The following ARHGAP35 variants were observed in gnomAD, a reference collection of about 807,000 sequenced individuals.
ARHGAP35 encodes the protein Rho GTPase activating protein 35.
A neutral mutation model predicts 111.1 loss-of-function variants in ARHGAP35; 15 were observed. That is an observed-to-expected ratio of 0.13 (90% confidence interval 0.09 to 0.21). ARHGAP35 has a LOEUF of 0.21. Among genes scored for constraint, ARHGAP35 ranks in the 10% least tolerant of loss-of-function variants. The probability of loss-of-function intolerance (pLI) is 1.00; values close to 1 mark genes in which losing one functional copy is unlikely to be tolerated. For synonymous variants in ARHGAP35, 643 were observed against 710.3 expected, an observed-to-expected ratio of 0.91 and a Z score of 1.51; for missense variants, 1,262 against 1,873.0, an observed-to-expected ratio of 0.67 and a Z score of 6.02.
chr19:46,899,020 C>G (rs2056071054), intron 1 of ARHGAP35, among the ~76,000 whole-genome samples: 1 of 152,234 alleles, frequency 6.6e-6, no homozygotes, highest in Non-Finnish European at 1.5e-5. Flanking sequence ...GAAAACCTAA[C>G]TGTGGAAGCC....
Position 46,986,819 on chromosome 19 carries a change from A to T in ARHGAP35, c.3827-1170A>T, listed in dbSNP as rs1398701169. 1.3e-5 allele frequency among the ~76,000 whole-genome samples: 2 copies of T among 152,154 alleles called. No individual in the cohort carries two copies. The highest frequency in any genetic ancestry group is 4.8e-5 in the African/African-American group (2 of 41,434). Reference sequence around the variant, plus strand: ...TGTCAAAAAAACATACTTGTGAGTTAATTTTATTTATTTATTTATTTATTT... The same window carrying T: ...TGTCAAAAAAACATACTTGTGAGTTTATTTTATTTATTTATTTATTTATTT... On this transcript the variant is annotated intron_variant, in intron 3 of 6. Coordinates refer to ENST00000672722, the MANE Select transcript of ARHGAP35 (RefSeq NM_004491.5). The surrounding 1 kb of genome is among the most constrained non-coding windows in gnomAD (Gnocchi z 4.3).
intron 1 of ARHGAP35, among the ~76,000 whole-genome samples, chr19:46,876,561 C>T (rs1378737863): frequency 1.3e-5 from 2 of 152,004 alleles, no homozygotes; most frequent in African/African-American, 2.4e-5. Context: ...TTAGTAGAGA[C>T]GGGGTTTCAC....
chr19:46,896,059 G>A (rs1036013543), intron 1 of ARHGAP35, among the ~76,000 whole-genome samples: 1 of 151,896 alleles, frequency 6.6e-6, no homozygotes, highest in Non-Finnish European at 1.5e-5. Context: ...CCAAGATCGC[G>A]CCACTGCACT....
rs1014418881 is a variant in ARHGAP35 at position 46,930,024 on chromosome 19, A to G, written c.3682-7240A>G. On this transcript the variant is annotated intron_variant, in intron 2 of 6. Coordinates refer to ENST00000672722, the MANE Select transcript of ARHGAP35 (RefSeq NM_004491.5). ...GCAGTCCTCCCATCTGGGCTTCCCAAAGTGTTGGGATTACAGGCATGAGTC... is the reference window on the plus strand; with the variant it reads ...GCAGTCCTCCCATCTGGGCTTCCCAGAGTGTTGGGATTACAGGCATGAGTC... Among the ~76,000 whole-genome samples the G allele has an allele frequency of 3.9e-5, 6 of 152,172 alleles. No individual in the cohort carries two copies. The East Asian group carries it at 9.7e-4, about 25-fold the overall frequency.
intron 2 of ARHGAP35, among the ~76,000 whole-genome samples, chr19:46,927,156 T>A (rs191947426): frequency 6.6e-6 from 1 of 152,344 alleles, no homozygotes; most frequent in East Asian, 1.9e-4. Flanking sequence ...AACGAGGTAC[T>A]TTTGTTTCCA....
chr19:46,999,209 G>C lies in ARHGAP35; in HGVS notation c.4037-95G>C. 1.3e-6 allele frequency: 1 copy of C among 793,050 alleles called. No individual in the cohort carries two copies. The highest frequency in any genetic ancestry group is 1.6e-5 in the South Asian group (1 of 62,406). The allele number at this position is 793,050 out of a possible 1,614,324, so 49.1% of individuals were successfully genotyped here. On this transcript the variant is annotated intron_variant, in intron 5 of 6. Coordinates refer to ENST00000672722, the MANE Select transcript of ARHGAP35 (RefSeq NM_004491.5). This position sits in a 1 kb window ranked among gnomAD's most constrained non-coding sequence, Gnocchi z 5.4. ...GGGTTAGTGTCATCCAAAAGCCCTG[G>C]GCTGTCCTCAGAGAAGGCCCATCAC...
Position 47,000,860 on chromosome 19 carries a change from C to T in ARHGAP35, c.*172C>T. The T allele has an allele frequency of 1.3e-6, 2 of 1,536,406 alleles. No individual in the cohort carries two copies. The highest frequency in any genetic ancestry group is 1.2e-5 in the South Asian group (1 of 83,228). ...GCCAATGGTACCATCGGCTGGGCTG[C>T]CAGGTACCCTGGGCCTGGCGCTGCA... On this transcript the variant is annotated 3_prime_UTR_variant, in exon 7 of 7. Coordinates refer to ENST00000672722, the MANE Select transcript of ARHGAP35 (RefSeq NM_004491.5). This position sits in a 1 kb window ranked among gnomAD's most constrained non-coding sequence, Gnocchi z 6.9.
intron 3 of ARHGAP35, among the ~76,000 whole-genome samples, chr19:46,982,128 G>A (rs1263374638): frequency 2.6e-5 from 4 of 151,880 alleles, no homozygotes; most frequent in African/African-American, 4.8e-5. Flanking sequence ...GATTATAGGC[G>A]GGAACCATCA....
intron 1 of ARHGAP35, among the ~76,000 whole-genome samples, chr19:46,896,344 C>T (rs1462116821): frequency 2.0e-5 from 3 of 152,240 alleles, no homozygotes; most frequent in Non-Finnish European, 2.9e-5. Flanking sequence ...TGCGCCACTG[C>T]ACCTGCACTC....
At chr19:46,954,775 A>G (rs768385544) in intron 3 of ARHGAP35, among the ~76,000 whole-genome samples, 8 of 152,252 alleles carry the variant, frequency 5.3e-5, no homozygotes, top group Non-Finnish European at 8.8e-5. Context: ...TTGAAACAAG[A>G]CCTTTCTAGT....
At chr19:46,957,754 C>T (rs2056449022) in intron 3 of ARHGAP35, among the ~76,000 whole-genome samples, 1 of 152,188 alleles carries the variant, frequency 6.6e-6, no homozygotes, top group African/African-American at 2.4e-5. Context: ...CAGAACACAC[C>T]TGACTGTTAG....
chr19:46,910,150 TCACCCAGG>T (rs1482109000), intron 1 of ARHGAP35, among the ~76,000 whole-genome samples: 1 of 152,142 alleles, frequency 6.6e-6, no homozygotes, highest in Non-Finnish European at 1.5e-5. Context: ...TATCTAACTG[TCACCCAGG>T]CTACAGTGCA....
rs138605596 is a variant in ARHGAP35, at chr19:46,891,638, G to A, written c.-188-26850G>A. Among the ~76,000 whole-genome samples the A allele has an allele frequency of 3.7e-3, 567 of 152,062 alleles. 14 individuals carry two copies. Among genetic ancestry groups the A allele is most frequent in the East Asian group, 0.035 (182 of 5,136 alleles). ...GACGGAGTTTCACCATGTTGGCCAG[G>A]ATGGTCTCAATCTCTTGACATCGTG... On this transcript the variant is annotated intron_variant, in intron 1 of 6. Transcript: ENST00000672722.
At chr19:46,938,542 G>A (rs548111653) in intron 3 of ARHGAP35, among the ~76,000 whole-genome samples, 141 of 151,900 alleles carry the variant, frequency 9.3e-4, no homozygotes, top group African/African-American at 3.3e-3. Flanking sequence ...TAGTAGAGAC[G>A]GGTTTTTGCC....
At position 46,918,628 on chromosome 19, in the gene ARHGAP35, C is replaced by A; in HGVS notation, c.-48C>A. Reference sequence around the variant, plus strand: ...AGGAAGCTGTCTGGTCCATTGGAAACACTAATCTGATCTCAGAAGTGGCTG... The same window carrying A: ...AGGAAGCTGTCTGGTCCATTGGAAAAACTAATCTGATCTCAGAAGTGGCTG... On this transcript the variant is annotated 5_prime_UTR_variant, in exon 2 of 7. Transcript: ENST00000672722. The surrounding 1 kb of genome is among the most constrained non-coding windows in gnomAD (Gnocchi z 5.4). 1 of 1,566,282 alleles carries A rather than the reference C, an allele frequency of 6.4e-7. No homozygotes were observed. The highest frequency in any genetic ancestry group is 8.7e-7 in the Non-Finnish European group (1 of 1,149,666).
At chr19:46,938,222 G>A (rs1307143165) in intron 3 of ARHGAP35, among the ~76,000 whole-genome samples, 2 of 152,188 alleles carry the variant, frequency 1.3e-5, no homozygotes, top group African/African-American at 2.4e-5. Flanking sequence ...ATTAAGTATT[G>A]TGTGGTGTGG....
Position 46,989,512 on chromosome 19 carries a change from G to T in ARHGAP35, c.3905-32G>T, listed in dbSNP as rs757859477. On this transcript the variant is annotated intron_variant, in intron 4 of 6. Coordinates refer to ENST00000672722, the MANE Select transcript of ARHGAP35 (RefSeq NM_004491.5). The surrounding 1 kb of genome is among the most constrained non-coding windows in gnomAD (Gnocchi z 5.3). ...CTGATGCTTCTGCCTGGCTTAGAAT[G>T]GTTTGGCCTCACTCTCCTGACTTCC... 112 of 1,612,686 alleles carry T rather than the reference G, an allele frequency of 6.9e-5. No homozygotes were observed. The highest frequency in any genetic ancestry group is 9.0e-5 in the Non-Finnish European group (106 of 1,179,270).
intron 1 of ARHGAP35, among the ~76,000 whole-genome samples, chr19:46,898,775 A>AGCTGCTGCTGCTGCTGCTGCTGCTGCT (rs112008743): frequency 1.3e-5 from 2 of 150,800 alleles, no homozygotes; most frequent in Admixed American, 6.6e-5. Flanking sequence ...TGCACAGATG[A>AGCTGCTGCTGCTGCTGCTGCTGCTGCT]GCTGCTGCTG....
chr19:46,882,094 C>T (rs1302472676), intron 1 of ARHGAP35, among the ~76,000 whole-genome samples: 1 of 151,578 alleles, frequency 6.6e-6, no homozygotes, highest in Non-Finnish European at 1.5e-5. Context: ...AATATTGTGG[C>T]TGGTTTGATC....
Sources: gnomAD v4.1 joint callset for allele counts (sites outside exome capture counted in the v4.1 genomes callset) on GRCh38, gnomAD v4.1.1 for gene constraint, Gnocchi (gnomAD v3.1) non-coding constraint, MANE v1.5 for transcripts, NCBI Gene and HGNC (gene_info 2026-07-23, HGNC 2026-07-21) for gene names.